Variants in YJU2 observed in about 807,000 individuals in gnomAD.
YJU2 encodes YJU2 splicing factor homolog, also known as splicing factor YJU2.
Under a neutral mutation model 39.6 loss-of-function variants are expected in YJU2, and 28 were observed. The observed-to-expected ratio is 0.71, with a 90% CI of 0.52 to 0.97. YJU2 has a LOEUF of 0.97. Ranked by LOEUF, YJU2 falls within the 50% of genes least tolerant of loss-of-function variation. The probability of loss-of-function intolerance (pLI) is 0.00; values close to 1 mark genes in which losing one functional copy is unlikely to be tolerated. For missense variants in YJU2, 328 were observed against 430.4 expected (o/e 0.76, Z 2.11); for synonymous variants, 184 against 182.4 (o/e 1.01, Z -0.07).
At chr19:4,262,441 G>A (rs909709050) in intron 6 of YJU2, among the ~76,000 whole-genome samples, 4 of 151,878 alleles carry the variant, frequency 2.6e-5, no homozygotes, top group South Asian at 4.2e-4. Context: ...CTCGTGATCC[G>A]CCCGCCTAGG....
intron 1 of YJU2, among the ~76,000 whole-genome samples, chr19:4,247,600 T>TGGC (rs1970935255): frequency 1.1e-4 from 3 of 26,906 alleles, no homozygotes; most frequent in East Asian, 8.3e-4. Context: ...TGTGTGTGTG[T>TGGC]GTGTGTGTGT....
At chr19:4,258,859 G>A (rs994520561) in intron 5 of YJU2, among the ~76,000 whole-genome samples, 3 of 152,064 alleles carry the variant, frequency 2.0e-5, no homozygotes, top group African/African-American at 7.2e-5. Context: ...CACAGCCCCC[G>A]CTGCCTCACC....
chr19:4,252,295 A>G (rs1326681726), intron 3 of YJU2, among the ~76,000 whole-genome samples: 1 of 121,002 alleles, frequency 8.3e-6, no homozygotes, highest in East Asian at 2.5e-4. Flanking sequence ...CCCCAACTCT[A>G]CTAAAAAAAA....
chr19:4,247,641 GT>G lies in YJU2; in HGVS notation c.24+472del, dbSNP rs1568359645. 2.8e-3 allele frequency among the ~76,000 whole-genome samples: 180 copies of G among 63,288 alleles called. 14 individuals carry two copies. The highest frequency in any genetic ancestry group is 7.9e-3 in the East Asian group (15 of 1,892). The allele number at this position is 63,288 out of a possible 152,430, so 41.5% of individuals were successfully genotyped here. A position where few individuals can be genotyped will look rare whatever the true frequency, so the allele number is the denominator to read the frequency against. ...TGTGTGTGTGTGTGTGTGTGTGTGT[GT>G]GTGTGTGTGTGTGTGTGTGTGTGTG... On this transcript the variant is annotated intron_variant, in intron 1 of 7. Transcript: ENST00000262962.
chr19:4,262,077 C>G lies in YJU2; in HGVS notation c.671C>G (p.Pro224Arg). Residue 224 changes from proline to arginine, a missense_variant, in exon 6 of 8, where the codon CCA becomes CGA. By Grantham distance (103) the Pro-to-Arg change is moderately radical. Coordinates refer to ENST00000262962, the MANE Select transcript of YJU2 (RefSeq NM_018074.6). ...EDEAAPSPLQ[P>R]ALRPNPTAIL... ...GAGGCTGCTCCCTCGCCCCTGCAGC[C>G]AGCCCTTCGGCCCAACCCCACCGCC... The G allele has an allele frequency of 2.5e-6, 4 of 1,612,036 alleles. No individual in the cohort carries two copies. The highest frequency in any genetic ancestry group is 3.4e-6 in the Non-Finnish European group (4 of 1,179,970).
At chr19:4,259,071 C>CTTTTTTTTTTTT (rs34728075) in intron 5 of YJU2, among the ~76,000 whole-genome samples, 5 of 90,264 alleles carry the variant, frequency 5.5e-5, no homozygotes, top group Admixed American at 1.2e-4. Flanking sequence ...GAACACTTTT[C>CTTTTTTTTTTTT]TTTTTTTTTT....
chr19:4,262,165 T>TGAA, intron 6 of YJU2, 51 bp downstream of exon 6: 2 of 1,539,754 alleles, frequency 1.3e-6, no homozygotes, highest in Non-Finnish European at 1.7e-6. Context: ...TAGGGACAAC[T>TGAA]GAAGCCAGGG....
In YJU2 at chr19:4,256,178, AAAAATATATAT is replaced by A. The variant is rs1338658327; in HGVS notation, c.405+1691_405+1701del. ...GACAGCAAGACTGTCGCAAAAAAAAAAAAATATATATATATATATATATATATATGTACACA... is the reference window on the plus strand; with the variant it reads ...GACAGCAAGACTGTCGCAAAAAAAAAATATATATATATATATATGTACACA... On this transcript the variant is annotated intron_variant, in intron 4 of 7. Transcript: ENST00000262962. Among the ~76,000 whole-genome samples, 965 of 97,080 alleles carry A rather than the reference AAAAATATATAT, an allele frequency of 9.9e-3. 12 individuals carry two copies. Among genetic ancestry groups the A allele is most frequent in the African/African-American group, 0.05 (912 of 18,186 alleles). 63.7% of individuals were successfully genotyped at this position (97,080 alleles called of 152,430 possible).
chr19:4,255,621 C>T (rs914483576), intron 4 of YJU2, among the ~76,000 whole-genome samples: 1 of 150,358 alleles, frequency 6.7e-6, no homozygotes, highest in Non-Finnish European at 1.5e-5. Context: ...CCCAGCTACT[C>T]GGGAGGCTGA....
intron 1 of YJU2, among the ~76,000 whole-genome samples, chr19:4,247,565 G>C (rs143213132): frequency 0.048 from 4,637 of 95,802 alleles, 891 homozygotes; most frequent in African/African-American, 0.24. Context: ...CTTTGGGTGG[G>C]GTGGGGTGGG....
intron 6 of YJU2, 124 bp from the exon 7 acceptor site, chr19:4,267,500 G>A (rs1971124383): frequency 2.0e-6 from 2 of 1,005,466 alleles, no homozygotes; most frequent in Non-Finnish European, 2.9e-6. Context: ...TAGAGCAGAG[G>A]AGGAATGTGG....
chr19:4,247,573 GGGGTGGCGCGTGTGTGT>G (rs1970931296), intron 1 of YJU2, among the ~76,000 whole-genome samples: 1 of 87,686 alleles, frequency 1.1e-5, no homozygotes, highest in Non-Finnish European at 1.9e-5. Context: ...GGGGTGGGGT[GGGGTGGCGCGTGTGTGT>G]GTGTGTGTGT....
Position 4,249,339 on chromosome 19 carries a change from C to T in YJU2, c.125+11C>T. 4 of 1,567,528 alleles carry T rather than the reference C, an allele frequency of 2.6e-6. No homozygotes were observed. The highest frequency in any genetic ancestry group is 1.1e-5 in the South Asian group (1 of 89,474). On this transcript the variant is annotated intron_variant, in intron 2 of 7. Transcript: ENST00000262962. ...CCCCTTCAACATGAGGTGAGCACCCCCTGCGTGACCCCACACACCAGTCAT... is the reference window on the plus strand; with the variant it reads ...CCCCTTCAACATGAGGTGAGCACCCTCTGCGTGACCCCACACACCAGTCAT...
At chr19:4,267,892 C>G (rs1422164089) in intron 7 of YJU2, 118 bp downstream of exon 7, 1 of 840,768 alleles carries the variant, frequency 1.2e-6, no homozygotes, top group Non-Finnish European at 1.8e-6. Context: ...CTGCGACCCC[C>G]ACAGGACCAA....
intron 3 of YJU2, among the ~76,000 whole-genome samples, chr19:4,252,123 A>G (rs182774830): frequency 6.6e-6 from 1 of 152,040 alleles, no homozygotes; most frequent in African/African-American, 2.4e-5. Flanking sequence ...ATGCTTAAGT[A>G]CTCTTTGAAT....
At chr19:4,257,284 A>G (rs1280794026) in intron 4 of YJU2, among the ~76,000 whole-genome samples, 1 of 151,924 alleles carries the variant, frequency 6.6e-6, no homozygotes, top group Non-Finnish European at 1.5e-5. Flanking sequence ...GTTGTCTTTT[A>G]CAATTTTTCC....
chr19:4,261,267 A>T (rs1378515054), intron 5 of YJU2, among the ~76,000 whole-genome samples: 2 of 152,092 alleles, frequency 1.3e-5, no homozygotes, highest in Non-Finnish European at 2.9e-5. Flanking sequence ...TGTGGTTCTC[A>T]CATAAACCAC....
chr19:4,247,345 G>C (rs1568359331), intron 1 of YJU2, 175 bp downstream of exon 1: 7 of 583,650 alleles, frequency 1.2e-5, no homozygotes, highest in Non-Finnish European at 3.0e-6. Flanking sequence ...CCGTCGGGGG[G>C]GTGGGCCTTC....
rs531386511 is a variant in YJU2, at chr19:4,263,575, C to T, written c.708+1461C>T. Reference sequence around the variant, plus strand: ...CTGTAATCCCAGCACTTTGGGAGGCCGAGGCAGGCGGATCATCTGAGGTCA... The same window carrying T: ...CTGTAATCCCAGCACTTTGGGAGGCTGAGGCAGGCGGATCATCTGAGGTCA... On this transcript the variant is annotated intron_variant, in intron 6 of 7. Coordinates refer to ENST00000262962, the MANE Select transcript of YJU2 (RefSeq NM_018074.6). 2.6e-5 allele frequency among the ~76,000 whole-genome samples: 4 copies of T among 152,074 alleles called. No homozygotes were observed. The South Asian group carries it at 6.2e-4, about 24-fold the overall frequency.
Sources: allele counts gnomAD v4.1 joint callset (sites outside exome capture counted in the v4.1 genomes callset), GRCh38; gene constraint gnomAD v4.1.1; transcripts MANE v1.5; gene names NCBI Gene and HGNC (gene_info 2026-07-23, HGNC 2026-07-21).